KDM4C: variants seen among roughly 807,000 people sequenced by gnomAD.
KDM4C encodes lysine demethylase 4C.
A neutral mutation model predicts 129.3 loss-of-function variants in KDM4C; 81 were observed. The observed-to-expected ratio is 0.63, with a 90% CI of 0.52 to 0.75. The LOEUF (loss-of-function observed/expected upper bound fraction) is 0.75, where lower values mean the gene tolerates loss of function less well. Among genes scored for constraint, KDM4C ranks in the 30% least tolerant of loss-of-function variants. The pLI is 0.00. For missense variants in KDM4C, 1,457 were observed against 1,304.0 expected (o/e 1.12, Z -1.81); for synonymous variants, 573 against 456.1 (o/e 1.26, Z -3.26).
chr9:7,001,955 C>T (rs1035536049), intron 12 of KDM4C, among the ~76,000 whole-genome samples: 1 of 152,128 alleles, frequency 6.6e-6, no homozygotes, highest in Non-Finnish European at 1.5e-5. Context: ...TGCAGTGGCA[C>T]AATCTTGGCT....
intron 1 of KDM4C, among the ~76,000 whole-genome samples, chr9:6,737,876 C>T (rs1817575944): frequency 6.6e-6 from 1 of 152,044 alleles, no homozygotes; most frequent in Non-Finnish European, 1.5e-5. Flanking sequence ...GTGGCTCACA[C>T]TTGTAATCCC....
intron 12 of KDM4C, among the ~76,000 whole-genome samples, chr9:7,006,849 C>G (rs1305551784): frequency 6.6e-6 from 1 of 152,004 alleles, no homozygotes; most frequent in African/African-American, 2.4e-5. Context: ...ACTTTTAATA[C>G]TACTATAAAA....
chr9:7,115,693 A>C (rs1405988768), intron 18 of KDM4C, among the ~76,000 whole-genome samples: 2 of 152,226 alleles, frequency 1.3e-5, no homozygotes, highest in Non-Finnish European at 2.9e-5. Flanking sequence ...TCTAACTAAA[A>C]GGCTACTCTC....
chr9:6,974,342 CCATGCTATTT>C (rs1442805668), intron 8 of KDM4C, among the ~76,000 whole-genome samples: 1 of 152,100 alleles, frequency 6.6e-6, no homozygotes, highest in African/African-American at 2.4e-5. Context: ...CAATATGCAT[CCATGCTATTT>C]CTGTCTGCTT....
intron 17 of KDM4C, among the ~76,000 whole-genome samples, chr9:7,098,956 A>G (rs1034501041): frequency 2.8e-5 from 4 of 142,340 alleles, no homozygotes; most frequent in African/African-American, 7.8e-5. Context: ...AGCAAACTGA[A>G]GGTTTTAGCC....
intron 1 of KDM4C, among the ~76,000 whole-genome samples, chr9:6,770,215 C>CAAAA (rs202070043): frequency 4.5e-5 from 6 of 134,162 alleles, no homozygotes; most frequent in African/African-American, 1.4e-4. Context: ...CAAAAAACAC[C>CAAAA]AAAAAAAAAA....
At chr9:7,059,555 T>G (rs1401158480) in intron 17 of KDM4C, among the ~76,000 whole-genome samples, 1 of 152,256 alleles carries the variant, frequency 6.6e-6, no homozygotes, top group Admixed American at 6.5e-5. Flanking sequence ...ACCATTGAAG[T>G]TTTGGTGAAG....
At chr9:6,859,053 A>G (rs552257082) in intron 5 of KDM4C, among the ~76,000 whole-genome samples, 17 of 152,276 alleles carry the variant, frequency 1.1e-4, no homozygotes, top group African/African-American at 4.1e-4. Flanking sequence ...ACATGTGTTC[A>G]TTTTTTATAA....
chr9:6,950,226 TCTC>T (rs1563869792), intron 8 of KDM4C, among the ~76,000 whole-genome samples: 1 of 152,196 alleles, frequency 6.6e-6, no homozygotes, highest in Non-Finnish European at 1.5e-5. Context: ...AACCTTAAAT[TCTC>T]CTTTCCAGAG....
At chr9:7,168,093 C>T (rs1260209541) in intron 20 of KDM4C, among the ~76,000 whole-genome samples, 2 of 152,074 alleles carry the variant, frequency 1.3e-5, no homozygotes, top group South Asian at 2.1e-4. Context: ...GAGGCTGAGG[C>T]AGAAGAATCA....
At chr9:7,097,945 A>G (rs560696422) in intron 17 of KDM4C, among the ~76,000 whole-genome samples, 3 of 152,338 alleles carry the variant, frequency 2.0e-5, no homozygotes, top group African/African-American at 7.2e-5. Context: ...ATGGCTGTTT[A>G]TGTGTTCAGT....
intron 15 of KDM4C, among the ~76,000 whole-genome samples, chr9:7,035,355 G>A (rs1469755277): frequency 3.6e-5 from 3 of 83,210 alleles, no homozygotes; most frequent in Non-Finnish European, 9.3e-5. Flanking sequence ...TTTCTGTTGA[G>A]ATGTTTGAGT....
At chr9:7,045,728 G>C (rs1230117385) in intron 15 of KDM4C, among the ~76,000 whole-genome samples, 1 of 152,018 alleles carries the variant, frequency 6.6e-6, no homozygotes, top group East Asian at 1.9e-4. Flanking sequence ...GATTTACAGA[G>C]ACTTTTCAGA....
chr9:6,845,664 A>G (rs111975111), intron 4 of KDM4C, among the ~76,000 whole-genome samples: 3,622 of 152,268 alleles, frequency 0.024, 145 homozygotes, highest in African/African-American at 0.078. Flanking sequence ...CAGATGCAGG[A>G]TACGTAAAGG....
rs550030761 is a variant in KDM4C, at chr9:6,869,052, C to T, written c.630-10960C>T. On this transcript the variant is annotated intron_variant, in intron 5 of 21. Coordinates refer to ENST00000381309, the MANE Select transcript of KDM4C (RefSeq NM_015061.6). Reference sequence around the variant, plus strand: ...ATGGTAACTTACTAATTTTTCTGATCGCTCGGGGAATTAATTTACATGTAT... The same window carrying T: ...ATGGTAACTTACTAATTTTTCTGATTGCTCGGGGAATTAATTTACATGTAT... Among the ~76,000 whole-genome samples the T allele has an allele frequency of 1.4e-3, 207 of 151,982 alleles. 2 individuals are homozygous for T. The highest frequency in any genetic ancestry group is 2.3e-3 in the Non-Finnish European group (155 of 67,998).
chr9:6,739,649 T>G (rs1817626933), intron 1 of KDM4C, among the ~76,000 whole-genome samples: 1 of 151,592 alleles, frequency 6.6e-6, no homozygotes, highest in African/African-American at 2.4e-5. Context: ...TTTTTTTTTT[T>G]TGCAAGTTAG....
intron 4 of KDM4C, among the ~76,000 whole-genome samples, chr9:6,831,179 T>G (rs1398417424): frequency 1.3e-5 from 2 of 152,110 alleles, no homozygotes; most frequent in Non-Finnish European, 2.9e-5. Context: ...AATATATCAG[T>G]CAGACAATAT....
chr9:7,173,663 T>A (rs115492138), intron 21 of KDM4C, among the ~76,000 whole-genome samples: 1,683 of 152,214 alleles, frequency 0.011, 32 homozygotes, highest in African/African-American at 0.038. Context: ...GGTGGGGAAA[T>A]GTCTACAGTG....
At chr9:6,786,931 T>C (rs1345434248) in intron 1 of KDM4C, among the ~76,000 whole-genome samples, 1 of 152,150 alleles carries the variant, frequency 6.6e-6, no homozygotes, top group East Asian at 1.9e-4. Context: ...ATCTGGGTGG[T>C]GTAGTGAAAG....
Sources: allele counts gnomAD v4.1 joint callset (sites outside exome capture counted in the v4.1 genomes callset), GRCh38; gene constraint gnomAD v4.1.1; transcripts MANE v1.5; gene names NCBI Gene and HGNC (gene_info 2026-07-23, HGNC 2026-07-21).